Variants in EAF1 observed in about 807,000 individuals in gnomAD.
EAF1 encodes ELL associated factor 1.
A neutral mutation model predicts 26.6 loss-of-function variants in EAF1; 19 were observed. That is an observed-to-expected ratio of 0.71 (90% CI 0.50 to 1.05). EAF1 has a LOEUF of 1.05. Among genes scored for constraint, EAF1 ranks in the 50% least tolerant of loss-of-function variants. The pLI, the probability that EAF1 is intolerant of heterozygous loss-of-function variation, is 0.00. For synonymous variants in EAF1, 102 were observed against 120.6 expected (o/e 0.85, Z 1.01); for missense variants, 260 against 335.5 (o/e 0.78, Z 1.76).
At position 15,439,526 on chromosome 3, in the gene EAF1, C is replaced by T. The variant is rs80277453; in HGVS notation, c.*371C>T. ...AAACCTCAGCAGCCATCAGTTTGGC[C>T]AAGTGGTTGGTACCAGTGGAATGAA... On this transcript the variant is annotated 3_prime_UTR_variant, in exon 6 of 6. Transcript: ENST00000396842. 5.5e-3 allele frequency: 988 copies of T among 178,264 alleles called. 7 individuals carry two copies. The highest frequency in any genetic ancestry group is 0.022 in the African/African-American group (921 of 42,440). 11.0% of individuals were successfully genotyped at this position (178,264 alleles called of 1,614,324 possible). A position where few individuals can be genotyped will look rare whatever the true frequency, so the allele number is the denominator to read the frequency against.
chr3:15,429,194 G>T (rs1465570160), intron 1 of EAF1, among the ~76,000 whole-genome samples: 1 of 152,166 alleles, frequency 6.6e-6, no homozygotes, highest in Non-Finnish European at 1.5e-5. Context: ...CATCTACGAA[G>T]TGTCTTTGTT....
In EAF1 at chr3:15,439,335, G is replaced by A. The variant is rs532721625; in HGVS notation, c.*180G>A. The A allele has an allele frequency of 3.1e-4, 154 of 496,216 alleles. 1 individual carries two copies. Among genetic ancestry groups the A allele is most frequent in the Non-Finnish European group, 3.1e-4 (87 of 283,482 alleles). The allele number at this position is 496,216 out of a possible 1,614,324, so 30.7% of individuals were successfully genotyped here. On this transcript the variant is annotated 3_prime_UTR_variant, in exon 6 of 6. Coordinates refer to ENST00000396842, the MANE Select transcript of EAF1 (RefSeq NM_033083.7). ...CTTAGTGGTGATGGGTGATTTTCTCGTGTCATTTTTGAACAATCTCATCTT... is the reference window on the plus strand; with the variant it reads ...CTTAGTGGTGATGGGTGATTTTCTCATGTCATTTTTGAACAATCTCATCTT...
chr3:15,429,155 G>A (rs192859033), intron 1 of EAF1, among the ~76,000 whole-genome samples: 71 of 152,252 alleles, frequency 4.7e-4, no homozygotes, highest in Non-Finnish European at 7.6e-4. Context: ...GATAACTTGC[G>A]GAGATACAGT....
rs951541487 is a variant in EAF1 at position 15,437,926 on chromosome 3, C to T, written c.761-1183C>T. The stretch of plus-strand genomic sequence containing the variant: ...TCCCTGACGTCTACCCACTAGATGC[C>T]AGTACCAGTCTCTTCCCACCTCCCC... On this transcript the variant is annotated intron_variant, in intron 5 of 5. Transcript: ENST00000396842. Among the ~76,000 whole-genome samples the T allele has an allele frequency of 2.0e-5, 3 of 152,142 alleles. No homozygotes were observed. In the East Asian group the frequency reaches 5.8e-4, roughly 29 times the overall value.
In EAF1 at chr3:15,427,685, C is replaced by A; in HGVS notation, c.-95C>A. The A allele has an allele frequency of 7.5e-7, 1 of 1,332,994 alleles. No homozygotes were observed. The highest frequency in any genetic ancestry group is 2.5e-5 in the East Asian group (1 of 39,290). The allele number at this position is 1,332,994 out of a possible 1,614,324, so 82.6% of individuals were successfully genotyped here. On this transcript the variant is annotated 5_prime_UTR_variant, in exon 1 of 6. Transcript: ENST00000396842. ...TCTCCTTGTCTTCCAGAGCGGTGGC[C>A]CGGAAGCACAGTCCTCCCAGACGCC...
Position 15,435,303 on chromosome 3 carries a change from C to G in EAF1, c.526+765C>G, listed in dbSNP as rs143538341. ...TCACACGATGAATGGTTTTAGTCCTCCAGACTCTTTAGAAGTTGTGAGGTC... is the reference window on the plus strand; with the variant it reads ...TCACACGATGAATGGTTTTAGTCCTGCAGACTCTTTAGAAGTTGTGAGGTC... On this transcript the variant is annotated intron_variant, in intron 4 of 5. Coordinates refer to ENST00000396842, the MANE Select transcript of EAF1 (RefSeq NM_033083.7). 4.6e-4 allele frequency among the ~76,000 whole-genome samples: 70 copies of G among 152,266 alleles called. 1 individual carries two copies. In the East Asian group the frequency reaches 0.012, roughly 26 times the overall value.
Position 15,427,678 on chromosome 3 carries a change from C to T in EAF1, c.-102C>T. On this transcript the variant is annotated 5_prime_UTR_variant, in exon 1 of 6. Transcript: ENST00000396842. The stretch of plus-strand genomic sequence containing the variant: ...GCTCGGCTCTCCTTGTCTTCCAGAG[C>T]GGTGGCCCGGAAGCACAGTCCTCCC... The T allele has an allele frequency of 2.4e-6, 3 of 1,235,380 alleles. No homozygotes were observed. Among genetic ancestry groups the T allele is most frequent in the Admixed American group, 2.1e-5 (1 of 48,318 alleles). The allele number at this position is 1,235,380 out of a possible 1,614,324, so 76.5% of individuals were successfully genotyped here. A position where few individuals can be genotyped will look rare whatever the true frequency, so the allele number is the denominator to read the frequency against.
In EAF1 at chr3:15,429,907, C is replaced by G; in HGVS notation, c.104-6C>G. 6.2e-7 allele frequency: 1 copy of G among 1,608,856 alleles called. No homozygotes were observed. Among genetic ancestry groups the G allele is most frequent in the Non-Finnish European group, 8.5e-7 (1 of 1,176,048 alleles). On this transcript the variant is annotated splice_region_variant and splice_polypyrimidine_tract_variant and intron_variant, in intron 1 of 5. Transcript: ENST00000396842. ...TGGGTAAGTGCTTTTTTTCCTTTCC[C>G]TTTAGATGATTTTAAACCAGCATCT...
chr3:15,436,353 G>C lies in EAF1; in HGVS notation c.538G>C (p.Glu180Gln). Residue 180 changes from glutamate (E) to glutamine (Q), a missense_variant, in exon 5 of 6, where the codon GAA becomes CAA. Coordinates refer to ENST00000396842, the MANE Select transcript of EAF1 (RefSeq NM_033083.7). ...LDDIKRELRA[E>Q]VDIIEQMSSS... Reference sequence around the variant, plus strand: ...ATCCTTTATTCCAGAGCTGAGGGCTGAAGTTGACATTATTGAACAAATGAG... The same window carrying C: ...ATCCTTTATTCCAGAGCTGAGGGCTCAAGTTGACATTATTGAACAAATGAG... The C allele has an allele frequency of 6.2e-7, 1 of 1,608,522 alleles. No homozygotes were observed. Among genetic ancestry groups the C allele is most frequent in the East Asian group, 2.2e-5 (1 of 44,700 alleles).
In EAF1 at chr3:15,440,289, A is replaced by G. The variant is rs913012472; in HGVS notation, c.*1134A>G. 1.3e-5 allele frequency: 2 copies of G among 152,156 alleles called. No individual in the cohort carries two copies. Among genetic ancestry groups the G allele is most frequent in the African/African-American group, 4.8e-5 (2 of 41,440 alleles). The allele number at this position is 152,156 out of a possible 1,614,324, so 9.4% of individuals were successfully genotyped here. On this transcript the variant is annotated 3_prime_UTR_variant, in exon 6 of 6. Transcript: ENST00000396842. ...ACTCCCTGACCGATTTGTATTTTTT[A>G]TATACAACTAGAAGGAAGTCACAAG...
intron 1 of EAF1, among the ~76,000 whole-genome samples, chr3:15,429,160 T>A (rs1219235499): frequency 6.6e-6 from 1 of 152,202 alleles, no homozygotes; most frequent in Non-Finnish European, 1.5e-5. Context: ...CTTGCGGAGA[T>A]ACAGTTCAGT....
At chr3:15,436,272 TTA>T in intron 4 of EAF1, 68 bp from the exon 5 acceptor site, 12 of 1,203,688 alleles carry the variant, frequency 1.0e-5, no homozygotes, top group Non-Finnish European at 1.4e-5. Context: ...GATTTACTAT[TTA>T]TAGAAGCTCC....
Position 15,432,105 on chromosome 3 carries a change from A to G in EAF1, c.217A>G (p.Thr73Ala). ...PHIPGSTPPMTVFKGNKRPYQ... is the reference protein window; with the variant it reads ...PHIPGSTPPMAVFKGNKRPYQ... ...CAAATAGGGATCCACACCACCCATG[A>G]CTGTGTTCAAGGGGAACAAACGGCC... The change falls in exon 3 of 6, where the codon ACT (threonine) becomes GCT (alanine). Residue 73 changes from threonine to alanine, a missense_variant. Thr to Ala is a moderately conservative substitution (Grantham distance 58). Coordinates refer to ENST00000396842, the MANE Select transcript of EAF1 (RefSeq NM_033083.7). The G allele has an allele frequency of 6.2e-7, 1 of 1,614,128 alleles. No individual in the cohort carries two copies. The highest frequency in any genetic ancestry group is 8.5e-7 in the Non-Finnish European group (1 of 1,180,000).
At chr3:15,438,892 T>C in intron 5 of EAF1, 1 of 483,788 alleles carries the variant, frequency 2.1e-6, no homozygotes, top group Non-Finnish European at 3.7e-6. Context: ...TCTCCTTTGC[T>C]CTACCCTAAT....
Position 15,439,092 on chromosome 3 carries a change from T to A in EAF1, c.761-17T>A. The A allele has an allele frequency of 3.5e-6, 4 of 1,147,682 alleles. No individual in the cohort carries two copies. The highest frequency in any genetic ancestry group is 4.8e-6 in the Non-Finnish European group (4 of 838,806). 71.1% of individuals were successfully genotyped at this position (1,147,682 alleles called of 1,614,324 possible). On this transcript the variant is annotated splice_polypyrimidine_tract_variant and intron_variant, in intron 5 of 5. Transcript: ENST00000396842. Reference sequence around the variant, plus strand: ...TGTTTGATTCTATGATTTTACTTTATTTTTTTTTTTAAATAGGAAATGACT... The same window carrying A: ...TGTTTGATTCTATGATTTTACTTTAATTTTTTTTTTAAATAGGAAATGACT...
At position 15,436,368 on chromosome 3, in the gene EAF1, G is replaced by C; in HGVS notation, c.553G>C (p.Glu185Gln). 6.2e-7 allele frequency: 1 copy of C among 1,612,128 alleles called. No homozygotes were observed. Among genetic ancestry groups the C allele is most frequent in the South Asian group, 1.1e-5 (1 of 90,878 alleles). Residue 185 changes from glutamate (E) to glutamine (Q), a missense_variant, in exon 5 of 6, where the codon GAA becomes CAA. Transcript: ENST00000396842. ...GCTGAGGGCTGAAGTTGACATTATT[G>C]AACAAATGAGCAGCAGCAGTGGGAG... ...RELRAEVDII[E>Q]QMSSSSGSSS...
intron 4 of EAF1, 25 bp downstream of exon 4, chr3:15,434,563 G>A: frequency 1.2e-6 from 2 of 1,612,580 alleles, no homozygotes; most frequent in Non-Finnish European, 8.5e-7. Context: ...CTGGATCCAT[G>A]ATAGCAACTT....
chr3:15,431,432 C>T (rs2061801152), intron 2 of EAF1, among the ~76,000 whole-genome samples: 1 of 152,166 alleles, frequency 6.6e-6, no homozygotes, highest in Admixed American at 6.5e-5. Context: ...TGTTAAAGCC[C>T]AGAGGCAGGA....
chr3:15,433,692 G>A (rs1400414736), intron 3 of EAF1, among the ~76,000 whole-genome samples: 1 of 152,148 alleles, frequency 6.6e-6, no homozygotes, highest in Non-Finnish European at 1.5e-5. Context: ...TTTCAAGCTG[G>A]GCAATATTTT....
Sources: gnomAD v4.1 joint callset for allele counts (sites outside exome capture counted in the v4.1 genomes callset) on GRCh38, gnomAD v4.1.1 for gene constraint, MANE v1.5 for transcripts, NCBI Gene and HGNC (gene_info 2026-07-23, HGNC 2026-07-21) for gene names.